The following PRKAR2B variants were observed in gnomAD, a reference collection of about 807,000 sequenced individuals.
PRKAR2B encodes the protein cAMP-dependent protein kinase type II-beta regulatory subunit.
In PRKAR2B, 14 loss-of-function variants were observed where a neutral mutation model predicts 49.9. The observed-to-expected ratio is 0.28, with a 90% CI of 0.19 to 0.44. PRKAR2B has a LOEUF of 0.44. Among genes scored for constraint, PRKAR2B ranks in the 20% least tolerant of loss-of-function variants. The pLI, the probability that PRKAR2B is intolerant of heterozygous loss-of-function variation, is 1.00. For synonymous variants in PRKAR2B, 196 were observed against 197.7 expected (o/e 0.99, Z 0.07); for missense variants, 393 against 537.9 (o/e 0.73, Z 2.67).
intron 4 of PRKAR2B, among the ~76,000 whole-genome samples, chr7:107,134,638 A>G (rs75827094): frequency 0.019 from 2,965 of 152,330 alleles, 113 homozygotes; most frequent in African/African-American, 0.068. Context: ...GGGCTCGGGT[A>G]GACATATAGA....
chr7:107,058,374 T>G (rs1426824595), intron 1 of PRKAR2B, among the ~76,000 whole-genome samples: 4 of 152,222 alleles, frequency 2.6e-5, no homozygotes, highest in African/African-American at 9.6e-5. Context: ...CCTTTCCTCA[T>G]GTCATAATAT....
intron 1 of PRKAR2B, among the ~76,000 whole-genome samples, chr7:107,051,798 A>T (rs1021820357): frequency 6.6e-6 from 1 of 152,252 alleles, no homozygotes; most frequent in Non-Finnish European, 1.5e-5. Context: ...CTTAATTAAA[A>T]AAAAGACAAA....
chr7:107,141,458 A>G (rs1358530713), intron 5 of PRKAR2B, among the ~76,000 whole-genome samples: 1 of 152,204 alleles, frequency 6.6e-6, no homozygotes, highest in African/African-American at 2.4e-5. Flanking sequence ...TGGGAAGCCG[A>G]GGCCAGTGGA....
At chr7:107,069,282 C>T (rs1216299246) in intron 1 of PRKAR2B, among the ~76,000 whole-genome samples, 2 of 152,182 alleles carry the variant, frequency 1.3e-5, no homozygotes, top group African/African-American at 4.8e-5. Context: ...TAATGCACTA[C>T]ACATCTGACA....
chr7:107,082,448 T>C (rs1264938768), intron 2 of PRKAR2B, among the ~76,000 whole-genome samples: 2 of 152,158 alleles, frequency 1.3e-5, no homozygotes, highest in Non-Finnish European at 2.9e-5. Context: ...TTTCTTAGAA[T>C]TGAAAGCTCT....
At chr7:107,082,638 C>G (rs1794534386) in intron 2 of PRKAR2B, among the ~76,000 whole-genome samples, 2 of 152,000 alleles carry the variant, frequency 1.3e-5, no homozygotes, top group African/African-American at 2.4e-5. Flanking sequence ...CTCTGTCGCC[C>G]AGGCTGGAGT....
At chr7:107,102,324 TATG>T (rs1794987316) in intron 2 of PRKAR2B, among the ~76,000 whole-genome samples, 1 of 152,246 alleles carries the variant, frequency 6.6e-6, no homozygotes, top group South Asian at 2.1e-4. Context: ...AGTTACCTTA[TATG>T]GTTCTGGGAA....
intron 2 of PRKAR2B, 46 bp from the exon 3 acceptor site, chr7:107,121,906 G>A: frequency 2.3e-6 from 3 of 1,295,694 alleles, no homozygotes; most frequent in South Asian, 1.3e-5. Context: ...TTGTAGTATG[G>A]TTTTTGATGA....
At chr7:107,156,906 T>C (rs561081971) in intron 8 of PRKAR2B, 78 bp from the exon 9 acceptor site, 2 of 1,239,854 alleles carry the variant, frequency 1.6e-6, no homozygotes, top group Middle Eastern at 2.3e-4. Context: ...GGATCAATTT[T>C]AGGGATATGA....
chr7:107,090,632 C>CGGAA (rs1562853244), intron 2 of PRKAR2B, among the ~76,000 whole-genome samples: 8 of 152,316 alleles, frequency 5.3e-5, no homozygotes, highest in Admixed American at 2.6e-4. Flanking sequence ...CGCTGAGCTT[C>CGGAA]CTTTCCAGCC....
intron 1 of PRKAR2B, chr7:107,066,685 C>T (rs1029220299): frequency 6.6e-6 from 1 of 152,140 alleles, no homozygotes; most frequent in Non-Finnish European, 1.5e-5. Context: ...TCTCTTGCCT[C>T]AGCCTTCCGA....
intron 1 of PRKAR2B, among the ~76,000 whole-genome samples, chr7:107,056,230 A>T (rs899210807): frequency 9.2e-5 from 14 of 152,134 alleles, no homozygotes; most frequent in Non-Finnish European, 1.9e-4. Flanking sequence ...CTTGTAGTAT[A>T]GTTTGAAGTC....
intron 6 of PRKAR2B, among the ~76,000 whole-genome samples, chr7:107,147,369 C>T (rs1052265961): frequency 6.6e-6 from 1 of 152,214 alleles, no homozygotes; most frequent in Non-Finnish European, 1.5e-5. Flanking sequence ...ATCTTCAGCA[C>T]TGGGACCTGA....
At chr7:107,087,741 C>T (rs1794648845) in intron 2 of PRKAR2B, among the ~76,000 whole-genome samples, 1 of 152,074 alleles carries the variant, frequency 6.6e-6, no homozygotes, top group Non-Finnish European at 1.5e-5. Context: ...CTGGTGAAAC[C>T]CTGTCTCTTT....
At chr7:107,106,283 C>T (rs999977479) in intron 2 of PRKAR2B, among the ~76,000 whole-genome samples, 3 of 152,122 alleles carry the variant, frequency 2.0e-5, no homozygotes, top group African/African-American at 7.2e-5. Context: ...TCTGGTAATC[C>T]CACTGAAGGT....
At chr7:107,113,568 T>C (rs974766315) in intron 2 of PRKAR2B, among the ~76,000 whole-genome samples, 2 of 152,316 alleles carry the variant, frequency 1.3e-5, no homozygotes, top group South Asian at 2.1e-4. Flanking sequence ...GAGAACAGCA[T>C]TGAGGAATTC....
At chr7:107,098,635 C>T (rs1300979000) in intron 2 of PRKAR2B, among the ~76,000 whole-genome samples, 1 of 152,150 alleles carries the variant, frequency 6.6e-6, no homozygotes, top group African/African-American at 2.4e-5. Context: ...TGGTTTCTCC[C>T]CATCTTTGTG....
intron 1 of PRKAR2B, among the ~76,000 whole-genome samples, chr7:107,055,589 CTT>C: frequency 6.6e-6 from 1 of 152,114 alleles, no homozygotes; most frequent in East Asian, 1.9e-4. Flanking sequence ...TTTCATGTGT[CTT>C]TTGGCTGCAT....
At chr7:107,114,991 A>G (rs1260911224) in intron 2 of PRKAR2B, among the ~76,000 whole-genome samples, 1 of 152,194 alleles carries the variant, frequency 6.6e-6, no homozygotes, top group Non-Finnish European at 1.5e-5. Context: ...AATTTAGTCA[A>G]ATATTTAAAA....
Sources: gnomAD v4.1 joint callset for allele counts (sites outside exome capture counted in the v4.1 genomes callset) on GRCh38, gnomAD v4.1.1 for gene constraint, MANE v1.5 for transcripts, NCBI Gene and HGNC (gene_info 2026-07-23, HGNC 2026-07-21) for gene names.